KCNJ11: variants seen among roughly 807,000 people sequenced by gnomAD.
KCNJ11 encodes ATP-sensitive inward rectifier potassium channel 11.
KCNJ11 carries 12 observed loss-of-function variants against 17.3 expected under a neutral mutation model. That is an observed-to-expected ratio of 0.69 (90% CI 0.44 to 1.12). The LOEUF is 1.12. Among genes scored for constraint, KCNJ11 ranks in the 50% most tolerant of loss-of-function variants. The pLI is 0.00. For synonymous variants in KCNJ11, 211 were observed against 223.4 expected (o/e 0.94, Z 0.50); for missense variants, 386 against 554.1 (o/e 0.70, Z 3.05).
Position 17,386,890 on chromosome 11 carries a change from C to T in KCNJ11, c.*29G>A, listed in dbSNP as rs370047076. On this transcript the variant is annotated 3_prime_UTR_variant, in exon 1 of 1. Transcript: ENST00000339994. ...ATACCACATGGTCCGTGTGTACACA[C>T]GCGTGTGGGGGGCCCGAGAGACCAT... is the stretch of plus-strand genomic sequence containing the variant. The T allele has an allele frequency of 1.2e-5, 19 of 1,592,628 alleles. No individual in the cohort carries two copies. Among genetic ancestry groups the T allele is most frequent in the Admixed American group, 8.5e-5 (5 of 58,858 alleles).
In KCNJ11 at chr11:17,388,399, G is replaced by A. The variant is rs1334874974; in HGVS notation, c.-308C>T. On this transcript the variant is annotated 5_prime_UTR_variant, in exon 1 of 1. Transcript: ENST00000339994. ...GTTCGAGACCAGCCTGACCAACATG[G>A]TGAAACCCCATCTCTACTAAAAATA... The A allele has an allele frequency of 7.4e-6, 3 of 405,436 alleles. No individual in the cohort carries two copies. Among genetic ancestry groups the A allele is most frequent in the African/African-American group, 2.0e-5 (1 of 49,908 alleles). The allele number at this position is 405,436 out of a possible 1,614,324, so 25.1% of individuals were successfully genotyped here.
Position 17,388,163 on chromosome 11 carries a change from G to T in KCNJ11, c.-72C>A. The T allele has an allele frequency of 7.1e-7, 1 of 1,405,352 alleles. No homozygotes were observed. The allele number at this position is 1,405,352 out of a possible 1,614,324, so 87.1% of individuals were successfully genotyped here. A position where few individuals can be genotyped will look rare whatever the true frequency, so the allele number is the denominator to read the frequency against. ...CTCGGACGTGGCCTAGGGCCTCACT[G>T]CAGAGTCCTCTCGGTGGGCACCTTC... On this transcript the variant is annotated 5_prime_UTR_variant, in exon 1 of 1. Coordinates refer to ENST00000339994, the MANE Select transcript of KCNJ11 (RefSeq NM_000525.4).
In KCNJ11 at chr11:17,386,562, G is replaced by A. The variant is rs1387722992; in HGVS notation, c.*357C>T. 1 of 249,338 alleles carries A rather than the reference G, an allele frequency of 4.0e-6. No homozygotes were observed. The highest frequency in any genetic ancestry group is 2.2e-5 in the African/African-American group (1 of 45,324). 15.4% of individuals were successfully genotyped at this position (249,338 alleles called of 1,614,324 possible). ...ACAGACGCAAAGCAGCAGCCCTCGG[G>A]GATTGTTCTTCCCCAGCCACCGGCC... On this transcript the variant is annotated 3_prime_UTR_variant, in exon 1 of 1. Transcript: ENST00000339994.
rs1001402819 is a variant in KCNJ11, at chr11:17,388,303, C to A, written c.-212G>T. Reference sequence around the variant, plus strand: ...TCACTTCTTAATACCAGCCTCAGGCCGGGCGCGGTGGCTCACGCCTGTAAT... The same window carrying A: ...TCACTTCTTAATACCAGCCTCAGGCAGGGCGCGGTGGCTCACGCCTGTAAT... On this transcript the variant is annotated 5_prime_UTR_variant, in exon 1 of 1. Transcript: ENST00000339994. 9 of 594,830 alleles carry A rather than the reference C, an allele frequency of 1.5e-5. No individual in the cohort carries two copies. The highest frequency in any genetic ancestry group is 2.7e-5 in the Non-Finnish European group (9 of 328,156). 36.8% of individuals were successfully genotyped at this position (594,830 alleles called of 1,614,324 possible). A position where few individuals can be genotyped will look rare whatever the true frequency, so the allele number is the denominator to read the frequency against.
rs986129889 is a variant in KCNJ11, at chr11:17,388,093, G to T, written c.-2C>A. ...GATGATGCCCTTGCGGGACAGCATG[G>T]CTCCGGTGACCCCCAGGGAGGGGCT... On this transcript the variant is annotated 5_prime_UTR_variant, in exon 1 of 1. Transcript: ENST00000339994. 4 of 1,608,622 alleles carry T rather than the reference G, an allele frequency of 2.5e-6. No individual in the cohort carries two copies. Among genetic ancestry groups the T allele is most frequent in the Admixed American group, 1.7e-5 (1 of 59,980 alleles).
At position 17,387,174 on chromosome 11, in the gene KCNJ11, G is replaced by A. The variant is rs377040874; in HGVS notation, c.918C>T (p.Ala306=). The change falls in exon 1 of 1, where the codon GCC becomes GCT. Residue 306 remains alanine, a synonymous_variant. Coordinates refer to ENST00000339994, the MANE Select transcript of KCNJ11 (RefSeq NM_000525.4). ...AGCGCTGGCCCCACAGGATCTCATCGGCCAGGTAGGAGGTGCGGGCCTGGG... is the reference window on the plus strand; with the variant it reads ...AGCGCTGGCCCCACAGGATCTCATCAGCCAGGTAGGAGGTGCGGGCCTGGG... The part of the protein sequence containing the change: ...ITTQARTSYL[A]DEILWGQRFV... The A allele has an allele frequency of 6.2e-5, 100 of 1,614,194 alleles. 1 individual carries two copies. The highest frequency in any genetic ancestry group is 1.0e-4 in the Admixed American group (6 of 60,030).
At chr11:17,388,754 G>T, upstream of KCNJ11, 1 of 424,408 alleles carries the variant, frequency 2.4e-6, no homozygotes, top group South Asian at 1.7e-5. Context: ...CGCCCAGCCT[G>T]CCTTCCCAGC....
In KCNJ11 at chr11:17,387,506, G is replaced by A; in HGVS notation, c.586C>T (p.Leu196Phe). Reference protein sequence around the residue: ...HAVIALRHGRLCFMLRVGDLR... With the variant: ...HAVIALRHGRFCFMLRVGDLR... ...TCACCCACACGTAGCATGAAGCAGA[G>A]GCGGCCGTGGCGCAGGGCGATCACC... Residue 196 changes from leucine to phenylalanine, a missense_variant, in exon 1 of 1, where the codon CTC (leucine) becomes TTC (phenylalanine). By Grantham distance (22) the Leu-to-Phe change is conservative. Coordinates refer to ENST00000339994, the MANE Select transcript of KCNJ11 (RefSeq NM_000525.4). 1.2e-6 allele frequency: 2 copies of A among 1,611,962 alleles called. No homozygotes were observed. Among genetic ancestry groups the A allele is most frequent in the Admixed American group, 1.7e-5 (1 of 59,994 alleles).
At position 17,386,397 on chromosome 11, in the gene KCNJ11, G is replaced by A. The variant is rs1239423092; in HGVS notation, c.*522C>T. On this transcript the variant is annotated 3_prime_UTR_variant, in exon 1 of 1. Coordinates refer to ENST00000339994, the MANE Select transcript of KCNJ11 (RefSeq NM_000525.4). Reference sequence around the variant, plus strand: ...GCCCCAGGCTGTCCCTGCCGGTGTAGGCTCCACAGCACCAACCCTCCAGCG... The same window carrying A: ...GCCCCAGGCTGTCCCTGCCGGTGTAAGCTCCACAGCACCAACCCTCCAGCG... 6.4e-6 allele frequency: 1 copy of A among 155,762 alleles called. No homozygotes were observed. The highest frequency in any genetic ancestry group is 2.4e-5 in the African/African-American group (1 of 41,512). 9.6% of individuals were successfully genotyped at this position (155,762 alleles called of 1,614,324 possible).
chr11:17,387,262 TGGTGCAGGTCGCTG>T lies in KCNJ11; in HGVS notation c.816_829del (p.Ser273ProfsTer31). 6.2e-7 allele frequency: 1 copy of T among 1,614,044 alleles called. No individual in the cohort carries two copies. Reference sequence around the variant, plus strand: ...GACGATGATCTCGAGGTCCTGGTGGTGGTGCAGGTCGCTGGGTGCCAGGTCGTAGAGTGGGCTGT... The same window carrying T: ...GACGATGATCTCGAGGTCCTGGTGGTGGTGCCAGGTCGTAGAGTGGGCTGT... On this transcript the variant is annotated frameshift_variant, in exon 1 of 1. Transcript: ENST00000339994.
At chr11:17,388,689 C>A, upstream of KCNJ11, 1 of 368,442 alleles carries the variant, frequency 2.7e-6, no homozygotes, top group Non-Finnish European at 5.8e-6. Context: ...CGTCCTCCCC[C>A]AGCTTCCCCC....
chr11:17,387,882 G>A lies in KCNJ11; in HGVS notation c.210C>T (p.His70=). The change falls in exon 1 of 1, where the codon CAC becomes CAT. Residue 70 remains histidine, a synonymous_variant. Transcript: ENST00000339994. ...AGGACATGGTGAAGATGAGCAATGT[G>A]TGTGGCCACTTGAGGTCCACCAGCG... ...FTTLVDLKWP[H]TLLIFTMSFL... The A allele has an allele frequency of 1.2e-6, 2 of 1,610,350 alleles. No homozygotes were observed. Among genetic ancestry groups the A allele is most frequent in the South Asian group, 1.1e-5 (1 of 91,032 alleles).
rs754683593 is a variant in KCNJ11, at chr11:17,388,009, G to C, written c.83C>G (p.Ala28Gly). The change falls in exon 1 of 1, where the codon GCC becomes GGC. Residue 28 changes from alanine to glycine, a missense_variant. Physicochemically the swap from Ala to Gly is moderately conservative, Grantham distance 60. Coordinates refer to ENST00000339994, the MANE Select transcript of KCNJ11 (RefSeq NM_000525.4). Reference sequence around the variant, plus strand: ...CACAAAGCGGGCCCTCCGCTGGCGGGCACGGTACCTGGGCTTGGCAGGGTC... The same window carrying C: ...CACAAAGCGGGCCCTCCGCTGGCGGCCACGGTACCTGGGCTTGGCAGGGTC... ...AEDPAKPRYR[A>G]RQRRARFVSK... The C allele has an allele frequency of 6.2e-7, 1 of 1,613,938 alleles. No homozygotes were observed. The highest frequency in any genetic ancestry group is 8.5e-7 in the Non-Finnish European group (1 of 1,179,964).
At position 17,388,154 on chromosome 11, in the gene KCNJ11, G is replaced by C; in HGVS notation, c.-63C>G. 1 of 1,498,494 alleles carries C rather than the reference G, an allele frequency of 6.7e-7. No individual in the cohort carries two copies. The highest frequency in any genetic ancestry group is 9.2e-7 in the Non-Finnish European group (1 of 1,083,624). The allele number at this position is 1,498,494 out of a possible 1,614,324, so 92.8% of individuals were successfully genotyped here. A position where few individuals can be genotyped will look rare whatever the true frequency, so the allele number is the denominator to read the frequency against. On this transcript the variant is annotated 5_prime_UTR_variant, in exon 1 of 1. Coordinates refer to ENST00000339994, the MANE Select transcript of KCNJ11 (RefSeq NM_000525.4). ...GAGGCACCCCTCGGACGTGGCCTAG[G>C]GCCTCACTGCAGAGTCCTCTCGGTG...
chr11:17,388,947 C>T, upstream of KCNJ11: 1 of 429,144 alleles, frequency 2.3e-6, no homozygotes, highest in Non-Finnish European at 4.7e-6. Context: ...TCCCGGAGCG[C>T]CCCCGCCGCT....
At position 17,386,876 on chromosome 11, in the gene KCNJ11, T is replaced by C. The variant is rs757623564; in HGVS notation, c.*43A>G. 24 of 1,551,706 alleles carry C rather than the reference T, an allele frequency of 1.5e-5. No homozygotes were observed. The highest frequency in any genetic ancestry group is 2.1e-5 in the Non-Finnish European group (24 of 1,138,384). ...CCTGGCCGGGCTACATACCACATGG[T>C]CCGTGTGTACACACGCGTGTGGGGG... On this transcript the variant is annotated 3_prime_UTR_variant, in exon 1 of 1. Transcript: ENST00000339994.
Position 17,387,244 on chromosome 11 carries a change from A to G in KCNJ11, c.848T>C (p.Ile283Thr). The change falls in exon 1 of 1, where the codon ATC becomes ACC. Residue 283 changes from isoleucine to threonine, a missense_variant. Ile to Thr is a moderately conservative substitution (Grantham distance 89). Transcript: ENST00000339994. ...SDLHHHQDLE[I>T]IVILEGVVET... The stretch of plus-strand genomic sequence containing the variant: ...CACCACGCCTTCCAGGATGACGATG[A>G]TCTCGAGGTCCTGGTGGTGGTGCAG... 1 of 1,614,148 alleles carries G rather than the reference A, an allele frequency of 6.2e-7. No homozygotes were observed. The highest frequency in any genetic ancestry group is 8.5e-7 in the Non-Finnish European group (1 of 1,180,012).
Position 17,388,025 on chromosome 11 carries a change from T to C in KCNJ11, c.67A>G (p.Lys23Glu), listed in dbSNP as rs5219. 1,047,275 of 1,613,446 alleles carry C rather than the reference T, an allele frequency of 0.65. 344,120 individuals carry two copies. The highest frequency in any genetic ancestry group is 0.94 in the African/African-American group (70,465 of 75,036). Residue 23 changes from lysine to glutamate, a missense_variant, in exon 1 of 1, where the codon AAG becomes GAG. Coordinates refer to ENST00000339994, the MANE Select transcript of KCNJ11 (RefSeq NM_000525.4). Reference sequence around the variant, plus strand: ...CGCTGGCGGGCACGGTACCTGGGCTTGGCAGGGTCCTCTGCCAGGCGTGTC... The same window carrying C: ...CGCTGGCGGGCACGGTACCTGGGCTCGGCAGGGTCCTCTGCCAGGCGTGTC... ...VLTRLAEDPA[K>E]PRYRARQRRA...
chr11:17,389,337 G>A (rs1953614879), upstream of KCNJ11: 1 of 151,986 alleles, frequency 6.6e-6, no homozygotes, highest in Non-Finnish European at 1.5e-5. Flanking sequence ...CGCACGAGGA[G>A]AGGAACGGGG....
Sources: gnomAD v4.1 joint callset for allele counts on GRCh38, gnomAD v4.1.1 for gene constraint, MANE v1.5 for transcripts, NCBI Gene and HGNC (gene_info 2026-07-23, HGNC 2026-07-21) for gene names.